Variants in SMIM35 observed in about 807,000 individuals in gnomAD.
The protein encoded by SMIM35 is TMPRSS4 antisense RNA 1 (non-protein coding).
intron 1 of SMIM35, among the ~76,000 whole-genome samples, chr11:118,041,895 A>T (rs1482497202): frequency 2.0e-5 from 3 of 151,960 alleles, no homozygotes; most frequent in Admixed American, 6.6e-5. Context: ...TACTAAAAAT[A>T]CAAAAATTAG....
chr11:118,074,526 C>A (rs1164294913), intron 1 of SMIM35, among the ~76,000 whole-genome samples: 1 of 152,016 alleles, frequency 6.6e-6, no homozygotes, highest in African/African-American at 2.4e-5. Context: ...GCGAGTGGAT[C>A]GCTTGAGCTC....
At chr11:118,030,707 G>A (rs1455525923) in intron 1 of SMIM35, among the ~76,000 whole-genome samples, 1 of 152,006 alleles carries the variant, frequency 6.6e-6, no homozygotes, top group African/African-American at 2.4e-5. Context: ...GGCTGAGCAG[G>A]AAGAGGAAGG....
chr11:118,018,396 G>A (rs2058200804), intron 1 of SMIM35, among the ~76,000 whole-genome samples: 1 of 152,150 alleles, frequency 6.6e-6, no homozygotes, highest in Non-Finnish European at 1.5e-5. Context: ...GGAGGCTACT[G>A]CAATATCCAA....
intron 1 of SMIM35, among the ~76,000 whole-genome samples, chr11:118,039,335 G>A (rs1018627405): frequency 2.6e-5 from 4 of 152,160 alleles, no homozygotes; most frequent in African/African-American, 9.7e-5. Flanking sequence ...AGTTAATTAG[G>A]AAACTGGATC....
intron 1 of SMIM35, among the ~76,000 whole-genome samples, chr11:118,054,805 A>ATTT (rs34274655): frequency 1.4e-5 from 2 of 139,348 alleles, no homozygotes; most frequent in Non-Finnish European, 3.1e-5. Flanking sequence ...TATTTTCAGG[A>ATTT]TTTTTTTTTT....
intron 1 of SMIM35, among the ~76,000 whole-genome samples, chr11:118,036,133 C>T (rs942488637): frequency 1.6e-4 from 24 of 151,960 alleles, no homozygotes; most frequent in African/African-American, 3.9e-4. Flanking sequence ...GTGATCCACC[C>T]GCCTCGGCCT....
intron 1 of SMIM35, 48 bp from the exon 2 acceptor site, chr11:118,015,857 C>T (rs531866992): frequency 2.5e-6 from 1 of 399,334 alleles, no homozygotes; most frequent in Admixed American, 4.4e-5. Flanking sequence ...CCTGCATCAA[C>T]CCACCTGCAC....
chr11:118,042,068 A>AAAAG (rs1555073518), intron 1 of SMIM35, among the ~76,000 whole-genome samples: 1 of 117,860 alleles, frequency 8.5e-6, no homozygotes, highest in Non-Finnish European at 1.6e-5. Context: ...AAAAAAAAAA[A>AAAAG]AGAGAGAGAG....
intron 1 of SMIM35, among the ~76,000 whole-genome samples, chr11:118,053,010 G>A (rs1565392951): frequency 6.6e-6 from 1 of 152,130 alleles, no homozygotes; most frequent in Non-Finnish European, 1.5e-5. Context: ...TGTCTCCAAA[G>A]CCTACTAGCT....
intron 4 of SMIM35, among the ~76,000 whole-genome samples, chr11:118,007,152 GAGGGAGA>G (rs2058126190): frequency 6.6e-6 from 1 of 151,990 alleles, no homozygotes; most frequent in Admixed American, 6.5e-5. Context: ...AGTCCATCTG[GAGGGAGA>G]AGTAGGTTCT....
intron 1 of SMIM35, among the ~76,000 whole-genome samples, chr11:118,026,983 C>A (rs2058279277): frequency 6.9e-6 from 1 of 145,746 alleles, no homozygotes; most frequent in Admixed American, 6.8e-5. Context: ...AGGCTGTCAG[C>A]TATGTGAATT....
At chr11:118,029,069 T>G (rs1197628813) in intron 1 of SMIM35, 4 of 309,994 alleles carry the variant, frequency 1.3e-5, no homozygotes, top group African/African-American at 6.6e-5. Context: ...CTGCACTGAG[T>G]CACTCAAATA....
intron 1 of SMIM35, among the ~76,000 whole-genome samples, chr11:118,035,221 G>A (rs1009425248): frequency 3.9e-5 from 6 of 151,900 alleles, no homozygotes; most frequent in South Asian, 2.1e-4. Flanking sequence ...CAAAGTGCCC[G>A]TCTGAAATTT....
At chr11:118,085,636 G>A (rs750441534) in intron 1 of SMIM35, among the ~76,000 whole-genome samples, 1 of 152,162 alleles carries the variant, frequency 6.6e-6, no homozygotes, top group African/African-American at 2.4e-5. Context: ...CTCAGTTCAG[G>A]TAAATTGCAA....
chr11:118,011,469 C>A (rs2058150195), intron 4 of SMIM35, among the ~76,000 whole-genome samples: 1 of 152,104 alleles, frequency 6.6e-6, no homozygotes, highest in Non-Finnish European at 1.5e-5. Flanking sequence ...AGGCGGGTGG[C>A]TCACTTGAGG....
chr11:118,061,456 G>A (rs1372143434), intron 1 of SMIM35, among the ~76,000 whole-genome samples: 6 of 152,132 alleles, frequency 3.9e-5, no homozygotes, highest in Non-Finnish European at 2.9e-5. Flanking sequence ...ATTATTTCAG[G>A]GACTAGAGTG....
chr11:118,008,165 C>A (rs916278863), intron 4 of SMIM35, among the ~76,000 whole-genome samples: 1 of 152,174 alleles, frequency 6.6e-6, no homozygotes, highest in Non-Finnish European at 1.5e-5. Context: ...CCACCGTGCC[C>A]GGCCACACCT....
intron 1 of SMIM35, among the ~76,000 whole-genome samples, chr11:118,027,422 T>C (rs1299051725): frequency 6.6e-6 from 1 of 152,146 alleles, no homozygotes; most frequent in Non-Finnish European, 1.5e-5. Context: ...GAGCTCCTAA[T>C]AGTTAAGTAA....
chr11:118,080,722 A>T (rs1945059386), intron 1 of SMIM35, among the ~76,000 whole-genome samples: 1 of 151,978 alleles, frequency 6.6e-6, no homozygotes, highest in South Asian at 2.1e-4. Flanking sequence ...AGAAAAACAG[A>T]CCCAAAACAG....
Sources: gnomAD v4.1 joint callset for allele counts (sites outside exome capture counted in the v4.1 genomes callset) on GRCh38, gnomAD v4.1.1 for gene constraint, MANE v1.5 for transcripts, NCBI Gene and HGNC (gene_info 2026-07-23, HGNC 2026-07-21) for gene names.